INTS13: variants seen among roughly 807,000 people sequenced by gnomAD.
INTS13 encodes the protein asunder, spermatogenesis regulator homolog (Drosphila).
In INTS13, 35 loss-of-function variants were observed where a neutral mutation model predicts 90.2. The observed-to-expected ratio is 0.39, with a 90% CI of 0.30 to 0.51. The LOEUF (loss-of-function observed/expected upper bound fraction) is 0.51. INTS13 is among the 20% of genes least tolerant of loss of function. The pLI is 0.80. For missense variants in INTS13, 601 were observed against 851.2 expected (o/e 0.71, Z 3.66); for synonymous variants, 309 against 277.1 (o/e 1.11, Z -1.14).
intron 15 of INTS13, 23 bp downstream of exon 15, chr12:26,911,155 T>C: frequency 6.3e-7 from 1 of 1,592,888 alleles, no homozygotes; most frequent in Non-Finnish European, 8.5e-7. Context: ...TTTATAAACC[T>C]AGTTACCACA....
At chr12:26,906,281 T>C (rs1951606309) in intron 16 of INTS13, 21 bp downstream of exon 16, 1 of 1,584,352 alleles carries the variant, frequency 6.3e-7, no homozygotes, top group Non-Finnish European at 8.6e-7. Context: ...AAAACCAATT[T>C]TGACAATAAG....
Position 26,928,295 on chromosome 12 carries a change from A to G in INTS13, c.504-10T>C, listed in dbSNP as rs750761059. 3.1e-5 allele frequency: 50 copies of G among 1,598,512 alleles called. No homozygotes were observed. Among genetic ancestry groups the G allele is most frequent in the Non-Finnish European group, 3.6e-5 (42 of 1,167,054 alleles). On this transcript the variant is annotated splice_polypyrimidine_tract_variant and intron_variant, in intron 4 of 16. Coordinates refer to ENST00000261191, the MANE Select transcript of INTS13 (RefSeq NM_018164.3). Reference sequence around the variant, plus strand: ...TCGCACATGACTATCACTATGGCATAAAAAAGATATAGCAAATTTAAAGGA... The same window carrying G: ...TCGCACATGACTATCACTATGGCATGAAAAAGATATAGCAAATTTAAAGGA...
chr12:26,936,808 T>C lies in INTS13; in HGVS notation c.-5A>G. On this transcript the variant is annotated 5_prime_UTR_variant, in exon 2 of 17. Coordinates refer to ENST00000261191, the MANE Select transcript of INTS13 (RefSeq NM_018164.3). ...AGATTCAGAAAAAATCTTCATTTTG[T>C]TTTAACCTGTAAGGGGAAAAACATA... The C allele has an allele frequency of 6.2e-7, 1 of 1,605,536 alleles. No individual in the cohort carries two copies. Among genetic ancestry groups the C allele is most frequent in the South Asian group, 1.1e-5 (1 of 90,776 alleles).
intron 1 of INTS13, among the ~76,000 whole-genome samples, chr12:26,937,469 A>G (rs1051025832): frequency 2.0e-5 from 3 of 152,220 alleles, no homozygotes; most frequent in African/African-American, 7.2e-5. Flanking sequence ...TTACCATCAC[A>G]CTGGTGTGTA....
intron 2 of INTS13, among the ~76,000 whole-genome samples, chr12:26,936,288 A>G (rs2136329896): frequency 6.6e-6 from 1 of 152,390 alleles, no homozygotes; most frequent in Admixed American, 6.5e-5. Flanking sequence ...TATTGCTTCA[A>G]TAACTACAGT....
chr12:26,925,290 T>C (rs1047094362), intron 6 of INTS13, among the ~76,000 whole-genome samples: 1 of 152,252 alleles, frequency 6.6e-6, no homozygotes, highest in East Asian at 1.9e-4. Context: ...TGTGGATCTA[T>C]TTGACAATCA....
Position 26,928,637 on chromosome 12 carries a change from T to A in INTS13, c.503+66A>T, listed in dbSNP as rs1938018606. 2.0e-6 allele frequency: 3 copies of A among 1,513,716 alleles called. No individual in the cohort carries two copies. In the African/African-American group the frequency reaches 4.1e-5, roughly 21 times the overall value. The allele number at this position is 1,513,716 out of a possible 1,614,324, so 93.8% of individuals were successfully genotyped here. A position where few individuals can be genotyped will look rare whatever the true frequency, so the allele number is the denominator to read the frequency against. On this transcript the variant is annotated intron_variant, in intron 4 of 16. Transcript: ENST00000261191. ...CATGTAAACATGCTGTCTCTACTAT[T>A]CTGAAAAACTACAACAGGATTTTAA...
At chr12:26,924,162 TA>T (rs751665375) in intron 7 of INTS13, among the ~76,000 whole-genome samples, 192 bp downstream of exon 7, 2 of 152,172 alleles carry the variant, frequency 1.3e-5, no homozygotes, top group Non-Finnish European at 2.9e-5. Flanking sequence ...TTTATTTATT[TA>T]TTTTTTTAAT....
intron 5 of INTS13, among the ~76,000 whole-genome samples, chr12:26,926,134 T>C (rs1203719107): frequency 6.6e-6 from 1 of 152,230 alleles, no homozygotes. Flanking sequence ...TTTCAATAGA[T>C]AACTGCAACA....
chr12:26,935,820 T>C (rs1041249133), intron 2 of INTS13, among the ~76,000 whole-genome samples: 8 of 152,196 alleles, frequency 5.3e-5, no homozygotes, highest in African/African-American at 1.9e-4. Flanking sequence ...AGTCTAAGAA[T>C]TGGCTAGGTC....
At position 26,916,041 on chromosome 12, in the gene INTS13, A is replaced by G. The variant is rs568200794; in HGVS notation, c.1209T>C (p.Ser403=). ...RSILEDPPSI[S]EGCGGRVTDY... ...CTGTAACTCTTCCTCCACATCCTTC[A>G]CTAATTGAAGGTGGATCTTCTAGAA... The change falls in exon 11 of 17, where the codon AGT becomes AGC. Residue 403 remains serine, a synonymous_variant. Transcript: ENST00000261191. 6 of 1,613,680 alleles carry G rather than the reference A, an allele frequency of 3.7e-6. No homozygotes were observed. Among genetic ancestry groups the G allele is most frequent in the Non-Finnish European group, 5.1e-6 (6 of 1,179,802 alleles).
intron 3 of INTS13, among the ~76,000 whole-genome samples, chr12:26,932,934 T>C (rs1156664888): frequency 6.6e-6 from 1 of 152,194 alleles, no homozygotes; most frequent in East Asian, 1.9e-4. Flanking sequence ...TAAGACTGTC[T>C]AGCTAACTAT....
chr12:26,916,548 T>C (rs998208477), intron 10 of INTS13, among the ~76,000 whole-genome samples: 1 of 152,178 alleles, frequency 6.6e-6, no homozygotes, highest in Non-Finnish European at 1.5e-5. Flanking sequence ...TACAGAACAT[T>C]TGGGGAGAAG....
chr12:26,912,813 T>C (rs1165417984), intron 14 of INTS13, among the ~76,000 whole-genome samples: 1 of 151,934 alleles, frequency 6.6e-6, no homozygotes, highest in Non-Finnish European at 1.5e-5. Context: ...CAGCAACCTC[T>C]GCCTCCCAGG....
intron 1 of INTS13, chr12:26,937,516 A>G (rs1265896761): frequency 6.6e-6 from 1 of 152,364 alleles, no homozygotes; most frequent in African/African-American, 2.4e-5. Flanking sequence ...TTTTCTTATT[A>G]AAACAGAGCA....
At chr12:26,933,681 TG>T (rs1466282423) in intron 3 of INTS13, among the ~76,000 whole-genome samples, 1 of 152,154 alleles carries the variant, frequency 6.6e-6, no homozygotes, top group Non-Finnish European at 1.5e-5. Context: ...AGGAGTGCAG[TG>T]GGCCTAGAAA....
intron 4 of INTS13, 137 bp downstream of exon 4, chr12:26,928,566 A>G: frequency 1.1e-6 from 1 of 877,932 alleles, no homozygotes. Context: ...AAAAAAAAAA[A>G]AAGAAAAAAA....
At chr12:26,934,694 T>C in intron 2 of INTS13, 64 bp from the exon 3 acceptor site, 1 of 1,147,286 alleles carries the variant, frequency 8.7e-7, no homozygotes, top group East Asian at 2.3e-5. Context: ...CAACATATTT[T>C]CAAGTAATAT....
At chr12:26,933,147 G>T (rs1478665066) in intron 3 of INTS13, among the ~76,000 whole-genome samples, 1 of 152,050 alleles carries the variant, frequency 6.6e-6, no homozygotes, top group Non-Finnish European at 1.5e-5. Context: ...CAAATAGAGA[G>T]TTCTATACAA....
Sources: allele counts gnomAD v4.1 joint callset (sites outside exome capture counted in the v4.1 genomes callset), GRCh38; gene constraint gnomAD v4.1.1; transcripts MANE v1.5; gene names NCBI Gene and HGNC (gene_info 2026-07-23, HGNC 2026-07-21).